ASH1L: variants seen among roughly 807,000 people sequenced by gnomAD.
ASH1L encodes the protein ASH1 like histone lysine methyltransferase, also known as histone-lysine N-methyltransferase ASH1L.
A neutral mutation model predicts 269.0 loss-of-function variants in ASH1L; 23 were observed. That is an observed-to-expected ratio of 0.09 (90% CI 0.06 to 0.12). The LOEUF is 0.12. ASH1L is among the 10% of genes least tolerant of loss of function. ASH1L has a pLI of 1.00. For synonymous variants in ASH1L, 1,187 were observed against 1,253.5 expected, an observed-to-expected ratio of 0.95 and a Z score of 1.12; for missense variants, 2,912 against 3,567.8, an observed-to-expected ratio of 0.82 and a Z score of 4.68.
At chr1:155,496,598 A>G (rs1388874449) in intron 2 of ASH1L, among the ~76,000 whole-genome samples, 1 of 152,102 alleles carries the variant, frequency 6.6e-6, no homozygotes, top group Non-Finnish European at 1.5e-5. Flanking sequence ...CATGTACTAA[A>G]TCCTCACGTA....
In ASH1L at chr1:155,341,993, G is replaced by T. The variant is rs1359794128; in HGVS notation, c.8403C>A (p.Thr2801=). The T allele has an allele frequency of 6.2e-7, 1 of 1,614,146 alleles. No individual in the cohort carries two copies. The highest frequency in any genetic ancestry group is 8.5e-7 in the Non-Finnish European group (1 of 1,180,038). ...GGAAGTGATCAAAAGCATAGGGTTT[G>T]GTGCAGACAGGATAGCGGTTCCGGT... The part of the protein sequence containing the change: ...KIHRNRYPVC[T]KPYAFDHFPK... The change falls in exon 25 of 28, where the codon ACC becomes ACA. Residue 2801 remains threonine, a synonymous_variant. Transcript: ENST00000392403.
intron 10 of ASH1L, among the ~76,000 whole-genome samples, chr1:155,374,202 G>A (rs753748471): frequency 4.6e-5 from 7 of 152,064 alleles, no homozygotes; most frequent in Non-Finnish European, 8.8e-5. Context: ...GGTGGCAACT[G>A]TAATCCCAGC....
At chr1:155,388,265 A>G (rs767317297) in intron 7 of ASH1L, among the ~76,000 whole-genome samples, 9 of 152,128 alleles carry the variant, frequency 5.9e-5, no homozygotes, top group Non-Finnish European at 1.2e-4. Flanking sequence ...CCACTCACCA[A>G]TGACAACTGT....
chr1:155,426,234 T>A (rs549651198), intron 5 of ASH1L, among the ~76,000 whole-genome samples: 1 of 151,818 alleles, frequency 6.6e-6, no homozygotes, highest in South Asian at 2.1e-4. Context: ...CCGGCTAATT[T>A]TTTTTTTTGT....
At chr1:155,432,124 C>T (rs1661656383) in intron 5 of ASH1L, among the ~76,000 whole-genome samples, 1 of 152,006 alleles carries the variant, frequency 6.6e-6, no homozygotes, top group Non-Finnish European at 1.5e-5. Flanking sequence ...CAATCTGATC[C>T]CTACAACCTC....
At chr1:155,347,164 C>T (rs1373538908) in intron 20 of ASH1L, among the ~76,000 whole-genome samples, 1 of 152,068 alleles carries the variant, frequency 6.6e-6, no homozygotes, top group Non-Finnish European at 1.5e-5. Flanking sequence ...TCTGGGAGGC[C>T]GAGGTGGGCA....
chr1:155,478,175 A>C lies in ASH1L; in HGVS notation c.4695T>G (p.Ser1565Arg), dbSNP rs1182340932. ...GTGTCTGCAATCCCAAGGCCAATGG[A>C]CTAGATTCTGAAGGCTCTCGGTGGA... ...QWVHREPSES[S>R]PLALGLQTPL... is the part of the protein sequence containing the mutation. The change falls in exon 3 of 28, where the codon AGT becomes AGG. Residue 1565 changes from serine (S) to arginine (R), a missense_variant. Physicochemically the swap from Ser to Arg is moderately radical, Grantham distance 110. This residue lies in a region of ASH1L where 789 missense variants were observed against 897.6 expected (regional missense o/e 0.88). Coordinates refer to ENST00000392403, the MANE Select transcript of ASH1L (RefSeq NM_018489.3). This position sits in a 1 kb window ranked among gnomAD's most constrained non-coding sequence, Gnocchi z 4.6. The C allele has an allele frequency of 5.6e-6, 9 of 1,613,818 alleles. No homozygotes were observed. Among genetic ancestry groups the C allele is most frequent in the Non-Finnish European group, 7.6e-6 (9 of 1,179,994 alleles).
rs185432748 is a variant in ASH1L, at chr1:155,394,261, C to T, written c.6103+1198G>A. ...AAACTGAAAGAAGGCCAGTATGACACAATATAGTGAATAAGGTTGAGATGG... is the reference window on the plus strand; with the variant it reads ...AAACTGAAAGAAGGCCAGTATGACATAATATAGTGAATAAGGTTGAGATGG... On this transcript the variant is annotated intron_variant, in intron 7 of 27. Transcript: ENST00000392403. Among the ~76,000 whole-genome samples, 22 of 151,972 alleles carry T rather than the reference C, an allele frequency of 1.4e-4. No individual in the cohort carries two copies. In the East Asian group the frequency reaches 4.3e-3, roughly 29 times the overall value.
intron 1 of ASH1L, among the ~76,000 whole-genome samples, chr1:155,535,126 T>A (rs1453262200): frequency 6.6e-6 from 1 of 150,874 alleles, no homozygotes; most frequent in Non-Finnish European, 1.5e-5. Flanking sequence ...AAGGCAGAGG[T>A]TGTGGTGAGC....
chr1:155,453,840 C>T (rs1007226597), intron 4 of ASH1L, among the ~76,000 whole-genome samples: 6 of 152,030 alleles, frequency 3.9e-5, no homozygotes, highest in Non-Finnish European at 5.9e-5. Context: ...CAGTGGCTCA[C>T]GCCTGTAATC....
At chr1:155,441,128 T>C (rs1280539453) in intron 4 of ASH1L, among the ~76,000 whole-genome samples, 1 of 152,328 alleles carries the variant, frequency 6.6e-6, no homozygotes, top group East Asian at 1.9e-4. Flanking sequence ...TGTAATTCCT[T>C]GTGGGGCTAT....
intron 12 of ASH1L, among the ~76,000 whole-genome samples, chr1:155,367,390 A>T (rs537928721): frequency 9.2e-5 from 14 of 152,340 alleles, no homozygotes; most frequent in African/African-American, 3.4e-4. Context: ...TCTTTCCATT[A>T]ATCTTGCTAA....
intron 1 of ASH1L, among the ~76,000 whole-genome samples, chr1:155,556,618 T>A (rs1043335568): frequency 6.6e-6 from 1 of 152,026 alleles, no homozygotes; most frequent in Non-Finnish European, 1.5e-5. Context: ...ATTTTTTATA[T>A]TTTTAGTAGA....
chr1:155,463,970 C>T (rs965987931), intron 3 of ASH1L, among the ~76,000 whole-genome samples: 1 of 152,170 alleles, frequency 6.6e-6, no homozygotes, highest in African/African-American at 2.4e-5. Flanking sequence ...GAAAAAGTTA[C>T]TCTGAGTGAA....
intron 5 of ASH1L, among the ~76,000 whole-genome samples, chr1:155,424,409 C>T (rs1660964519): frequency 6.6e-6 from 1 of 151,442 alleles, no homozygotes; most frequent in Admixed American, 6.6e-5. Context: ...GTATGTATTA[C>T]AGTTTTTTTT....
chr1:155,346,229 T>C (rs765877024), intron 21 of ASH1L, 154 bp downstream of exon 21: 13 of 1,547,348 alleles, frequency 8.4e-6, no homozygotes, highest in Middle Eastern at 1.7e-4. Flanking sequence ...AAGAACAGAA[T>C]TATGACCCTT....
intron 2 of ASH1L, among the ~76,000 whole-genome samples, chr1:155,502,071 CTTTTTTT>C (rs769262562): frequency 7.9e-6 from 1 of 126,426 alleles, no homozygotes; most frequent in South Asian, 2.5e-4. Context: ...CTTTTCTTTT[CTTTTTTT>C]TTTTTTTTTT....
chr1:155,357,390 T>C lies in ASH1L; in HGVS notation c.6981A>G (p.Glu2327=). The C allele has an allele frequency of 6.2e-7, 1 of 1,613,746 alleles. No individual in the cohort carries two copies. Reference sequence around the variant, plus strand: ...TTGGGGTGTTGATATTTTCACTGGGTTCCTCAGAGAGATGGCCTCTCTGAA... The same window carrying C: ...TTGGGGTGTTGATATTTTCACTGGGCTCCTCAGAGAGATGGCCTCTCTGAA... The part of the protein sequence containing the change: ...LKKRRGHLSE[E]PSENINTPTR... The change falls in exon 15 of 28, where the codon GAA becomes GAG. Residue 2327 remains glutamate (E), a synonymous_variant. Coordinates refer to ENST00000392403, the MANE Select transcript of ASH1L (RefSeq NM_018489.3).
At chr1:155,360,819 GA>G (rs1222730906) in intron 12 of ASH1L, among the ~76,000 whole-genome samples, 2 of 152,090 alleles carry the variant, frequency 1.3e-5, no homozygotes, top group Non-Finnish European at 2.9e-5. Context: ...AATTTTTCTT[GA>G]AAACATGTTC....
Sources: allele counts gnomAD v4.1 joint callset (sites outside exome capture counted in the v4.1 genomes callset), GRCh38; gene constraint gnomAD v4.1.1; regional missense constraint gnomAD v4.1.1; non-coding constraint Gnocchi (gnomAD v3.1); transcripts MANE v1.5; gene names NCBI Gene and HGNC (gene_info 2026-07-23, HGNC 2026-07-21).